Variants in ROR2 observed in about 807,000 individuals in gnomAD.
ROR2 encodes ROR family WNT receptor 2.
Under a neutral mutation model 74.9 loss-of-function variants are expected in ROR2, and 33 were observed. The ratio of observed to expected loss-of-function variants is 0.44; its 90% confidence interval spans 0.33 to 0.59. The LOEUF is 0.59. ROR2 is among the 20% of genes least tolerant of loss of function. The pLI, the probability that ROR2 is intolerant of heterozygous loss-of-function variation, is 0.02. For synonymous variants in ROR2, 586 were observed against 558.7 expected (o/e 1.05, Z -0.69); for missense variants, 1,216 against 1,313.8 (o/e 0.93, Z 1.15).
chr9:91,727,906 A>G (rs1462142345), intron 7 of ROR2, among the ~76,000 whole-genome samples: 1 of 152,180 alleles, frequency 6.6e-6, no homozygotes, highest in Non-Finnish European at 1.5e-5. Flanking sequence ...GCTCCCCCAA[A>G]TAAGAAGAAA....
rs141054539 is a variant in ROR2, at chr9:91,916,779, C to A, written c.97+33088G>T. Among the ~76,000 whole-genome samples the A allele has an allele frequency of 2.1e-3, 319 of 152,132 alleles. 1 individual carries two copies. The highest frequency in any genetic ancestry group is 7.4e-3 in the African/African-American group (307 of 41,456). On this transcript the variant is annotated intron_variant, in intron 1 of 8. Transcript: ENST00000375708. ...TTGGAATCGCTCTTAGAATCTGAAGCCTTATCATACAAAAATACTTAACTA... is the reference window on the plus strand; with the variant it reads ...TTGGAATCGCTCTTAGAATCTGAAGACTTATCATACAAAAATACTTAACTA...
intron 1 of ROR2, among the ~76,000 whole-genome samples, chr9:91,860,519 G>A (rs1040178047): frequency 3.9e-5 from 6 of 152,340 alleles, no homozygotes; most frequent in African/African-American, 1.2e-4. Context: ...GGCTCACAGC[G>A]ATCATGGAGG....
In ROR2 at chr9:91,777,389, CCACACACACA is replaced by C. The variant is rs112876626; in HGVS notation, c.98-1581_98-1572del. ...CATGGAAATAATAACAACAAAACTG[CCACACACACA>C]CACACACACCCCATCATCATCATCA... On this transcript the variant is annotated intron_variant, in intron 1 of 8. Transcript: ENST00000375708. 3.3e-5 allele frequency among the ~76,000 whole-genome samples: 5 copies of C among 149,948 alleles called. No individual in the cohort carries two copies. In the East Asian group the frequency reaches 5.8e-4, roughly 18 times the overall value.
chr9:91,856,386 T>A (rs1300566896), intron 1 of ROR2, among the ~76,000 whole-genome samples: 1 of 152,248 alleles, frequency 6.6e-6, no homozygotes, highest in Non-Finnish European at 1.5e-5. Context: ...ATTGCATGTC[T>A]GGGCTAAATT....
At chr9:91,792,468 C>T (rs1205173865) in intron 1 of ROR2, among the ~76,000 whole-genome samples, 1 of 152,118 alleles carries the variant, frequency 6.6e-6, no homozygotes, top group Non-Finnish European at 1.5e-5. Context: ...GCCACCACGC[C>T]CAGCTAATTT....
chr9:91,925,374 G>A lies in ROR2; in HGVS notation c.97+24493C>T, dbSNP rs111508166. On this transcript the variant is annotated intron_variant, in intron 1 of 8. Coordinates refer to ENST00000375708, the MANE Select transcript of ROR2 (RefSeq NM_004560.4). ...TCCCAACAGCTCAGCCCAAGCCCAC[G>A]AGACCCAGCCCCCAGCTCGGCAAGC... Among the ~76,000 whole-genome samples, 21 of 152,108 alleles carry A rather than the reference G, an allele frequency of 1.4e-4. 1 individual carries two copies. Among genetic ancestry groups the A allele is most frequent in the African/African-American group, 4.6e-4 (19 of 41,490 alleles).
intron 1 of ROR2, among the ~76,000 whole-genome samples, chr9:91,779,448 G>A (rs373615425): frequency 2.0e-5 from 3 of 147,744 alleles, no homozygotes; most frequent in East Asian, 4.0e-4. Flanking sequence ...TCAGCTCACT[G>A]CAACCTCTGC....
intron 1 of ROR2, among the ~76,000 whole-genome samples, chr9:91,918,907 C>G (rs1831202195): frequency 6.6e-6 from 1 of 152,024 alleles, no homozygotes; most frequent in African/African-American, 2.4e-5. Context: ...AGCAATAAGC[C>G]CACACGTACA....
At chr9:91,748,162 C>T (rs1825489756) in intron 4 of ROR2, among the ~76,000 whole-genome samples, 1 of 152,114 alleles carries the variant, frequency 6.6e-6, no homozygotes, top group Admixed American at 6.6e-5. Context: ...GTAATCCCAG[C>T]TCCTCGGGAG....
At chr9:91,885,743 T>C (rs1399395688) in intron 1 of ROR2, among the ~76,000 whole-genome samples, 2 of 152,176 alleles carry the variant, frequency 1.3e-5, no homozygotes, top group East Asian at 3.9e-4. Flanking sequence ...TCAAAATACC[T>C]AGGTCTTATC....
At chr9:91,745,059 T>G (rs1381360988) in intron 4 of ROR2, among the ~76,000 whole-genome samples, 1 of 152,170 alleles carries the variant, frequency 6.6e-6, no homozygotes, top group Non-Finnish European at 1.5e-5. Flanking sequence ...GTGCACATTT[T>G]CATTATTGTT....
Position 91,730,943 on chromosome 9 carries a change from C to A in ROR2, c.1150G>T (p.Val384Leu). 1 of 1,614,168 alleles carries A rather than the reference C, an allele frequency of 6.2e-7. No homozygotes were observed. The highest frequency in any genetic ancestry group is 1.6e-4 in the Middle Eastern group (1 of 6,062). ...GPWCFTQNKN[V>L]RMELCDVPSC... ...GGTACGTCACACAGTTCCATGCGTA[C>A]GTTTTTATTCTGCGTAAAGCACCAG... Residue 384 changes from valine to leucine, a missense_variant, in exon 7 of 9, where the codon GTA (valine) becomes TTA (leucine). By Grantham distance (32) the Val-to-Leu change is conservative. Transcript: ENST00000375708.
chr9:91,850,550 C>T (rs1451874266), intron 1 of ROR2, among the ~76,000 whole-genome samples: 1 of 152,116 alleles, frequency 6.6e-6, no homozygotes, highest in African/African-American at 2.4e-5. Context: ...GGCCATGAAC[C>T]CAGGTGGGTC....
chr9:91,903,601 G>T (rs1376317947), intron 1 of ROR2, among the ~76,000 whole-genome samples: 1 of 152,094 alleles, frequency 6.6e-6, no homozygotes, highest in Non-Finnish European at 1.5e-5. Context: ...GTAAAGGGAA[G>T]AACAAAGATT....
At chr9:91,806,927 T>C (rs1387125438) in intron 1 of ROR2, among the ~76,000 whole-genome samples, 2 of 152,172 alleles carry the variant, frequency 1.3e-5, no homozygotes, top group Non-Finnish European at 1.5e-5. Flanking sequence ...TTGCTCATAA[T>C]TTTTTGTTAT....
intron 1 of ROR2, among the ~76,000 whole-genome samples, chr9:91,816,623 C>T (rs759582134): frequency 2.0e-5 from 3 of 152,094 alleles, no homozygotes; most frequent in Admixed American, 6.6e-5. Flanking sequence ...CACAGCTCCC[C>T]GCTGTGGTAT....
intron 1 of ROR2, among the ~76,000 whole-genome samples, chr9:91,891,748 C>G (rs943504788): frequency 6.6e-6 from 1 of 152,158 alleles, no homozygotes; most frequent in Non-Finnish European, 1.5e-5. Flanking sequence ...GGCCCCTCAC[C>G]TTTAAAGCCA....
chr9:91,880,800 G>A (rs773058535), intron 1 of ROR2, among the ~76,000 whole-genome samples: 1 of 152,216 alleles, frequency 6.6e-6, no homozygotes, highest in Non-Finnish European at 1.5e-5. Flanking sequence ...AAGGTCAAGG[G>A]CAGGCTGGGA....
At chr9:91,755,026 G>A (rs1323031098) in intron 4 of ROR2, among the ~76,000 whole-genome samples, 3 of 152,256 alleles carry the variant, frequency 2.0e-5, no homozygotes, top group South Asian at 2.1e-4. Context: ...GTGGTGGCAC[G>A]CACCTGCAGT....
Sources: gnomAD v4.1 joint callset for allele counts (sites outside exome capture counted in the v4.1 genomes callset) on GRCh38, gnomAD v4.1.1 for gene constraint, MANE v1.5 for transcripts, NCBI Gene and HGNC (gene_info 2026-07-23, HGNC 2026-07-21) for gene names.